Variants in ATP2A2 observed in about 807,000 individuals in gnomAD.
ATP2A2 encodes sarcoplasmic/endoplasmic reticulum calcium ATPase 2.
A neutral mutation model predicts 109.3 loss-of-function variants in ATP2A2; 14 were observed. That is an observed-to-expected ratio of 0.13 (90% CI 0.08 to 0.20). The LOEUF is 0.20. Ranked by LOEUF, ATP2A2 falls within the 10% of genes least tolerant of loss-of-function variation. The pLI is 1.00. For synonymous variants in ATP2A2, 506 were observed against 490.9 expected (o/e 1.03, Z -0.41); for missense variants, 657 against 1,321.6 (o/e 0.50, Z 7.80).
At chr12:110,283,586 AT>A (rs891704484) in intron 3 of ATP2A2, among the ~76,000 whole-genome samples, 7 of 151,876 alleles carry the variant, frequency 4.6e-5, no homozygotes, top group Non-Finnish European at 5.9e-5. Context: ...TTTTTGTTGC[AT>A]TTTTTTTCTT....
intron 5 of ATP2A2, among the ~76,000 whole-genome samples, chr12:110,300,141 CCCCTCCTT>C (rs1874431208): frequency 1.4e-5 from 2 of 142,686 alleles, no homozygotes; most frequent in African/African-American, 5.2e-5. Flanking sequence ...CCCCTCCCCT[CCCCTCCTT>C]CTGTCCTCCC....
chr12:110,334,276 C>T lies in ATP2A2; in HGVS notation c.1419+133C>T. ...CCTCAAACTTACAGTATTTCCTTCC[C>T]CATATTCACTCTCAGGTAAGATGCT... On this transcript the variant is annotated intron_variant, in intron 11 of 19. Transcript: ENST00000539276. The T allele has an allele frequency of 4.5e-6, 5 of 1,111,542 alleles. 1 individual carries two copies. The South Asian group carries it at 6.4e-5, about 14-fold the overall frequency. The allele number at this position is 1,111,542 out of a possible 1,614,324, so 68.9% of individuals were successfully genotyped here.
At chr12:110,289,900 T>C (rs911148543) in intron 3 of ATP2A2, among the ~76,000 whole-genome samples, 2 of 152,210 alleles carry the variant, frequency 1.3e-5, no homozygotes, top group African/African-American at 4.8e-5. Context: ...GTTCTCTCTT[T>C]TTACCACGTT....
In ATP2A2 at chr12:110,342,081, A is replaced by G. The variant is rs1879409763; in HGVS notation, c.2098-147A>G. The G allele has an allele frequency of 2.4e-5, 22 of 910,306 alleles. No homozygotes were observed. Among genetic ancestry groups the G allele is most frequent in the Middle Eastern group, 5.6e-4 (2 of 3,564 alleles). 56.4% of individuals were successfully genotyped at this position (910,306 alleles called of 1,614,324 possible). On this transcript the variant is annotated intron_variant, in intron 14 of 19. Coordinates refer to ENST00000539276, the MANE Select transcript of ATP2A2 (RefSeq NM_170665.4). This position sits in a 1 kb window ranked among gnomAD's most constrained non-coding sequence, Gnocchi z 4.6. Reference sequence around the variant, plus strand: ...AGGTAAAATGTGTTTTGTGACACCAACTTATGAAACAAAAATTCTAAAACT... The same window carrying G: ...AGGTAAAATGTGTTTTGTGACACCAGCTTATGAAACAAAAATTCTAAAACT...
chr12:110,296,452 G>A, intron 4 of ATP2A2, 147 bp from the exon 5 acceptor site: 1 of 1,015,482 alleles, frequency 9.8e-7, no homozygotes, highest in Non-Finnish European at 1.5e-6. Context: ...TGTGTCTGTT[G>A]CCTTAGATGT....
intron 4 of ATP2A2, among the ~76,000 whole-genome samples, chr12:110,292,588 A>G (rs142714145): frequency 2.0e-5 from 3 of 152,238 alleles, no homozygotes; most frequent in Non-Finnish European, 2.9e-5. Context: ...AATTAATTGC[A>G]AATTTTTGAC....
chr12:110,323,666 C>T (rs1877474570), intron 6 of ATP2A2, among the ~76,000 whole-genome samples: 1 of 152,066 alleles, frequency 6.6e-6, no homozygotes, highest in African/African-American at 2.4e-5. Flanking sequence ...AAAAATTAGC[C>T]AGGCCTGTAA....
chr12:110,328,062 C>A (rs754751649), intron 8 of ATP2A2, 45 bp downstream of exon 8: 1 of 1,572,474 alleles, frequency 6.4e-7, no homozygotes, highest in Non-Finnish European at 8.7e-7. Context: ...GTTCTTTGTT[C>A]ATCCTACCAA....
At chr12:110,316,640 T>G (rs1309294900) in intron 5 of ATP2A2, among the ~76,000 whole-genome samples, 1 of 152,210 alleles carries the variant, frequency 6.6e-6, no homozygotes, top group African/African-American at 2.4e-5. Flanking sequence ...ACTCTGCCTT[T>G]ATGGAGCTTT....
Position 110,349,126 on chromosome 12 carries a change from C to T in ATP2A2, c.*2656C>T, listed in dbSNP as rs1185921712. ...CCAGACAGCTGGGAGTGGGTTAGGC[C>T]CACTGCTGTTTTGAGCAGGGCCACT... On this transcript the variant is annotated 3_prime_UTR_variant, in exon 20 of 20. Transcript: ENST00000539276. 7.1e-6 allele frequency: 7 copies of T among 985,324 alleles called. No homozygotes were observed. Among genetic ancestry groups the T allele is most frequent in the Non-Finnish European group, 8.4e-6 (7 of 829,978 alleles). 61.0% of individuals were successfully genotyped at this position (985,324 alleles called of 1,614,324 possible).
chr12:110,309,140 A>ATTTTTTTTTTTTTTTTTTTTTTTTT (rs10665212), intron 5 of ATP2A2, among the ~76,000 whole-genome samples: 10 of 48,898 alleles, frequency 2.0e-4, no homozygotes, highest in Non-Finnish European at 3.2e-4. Flanking sequence ...AAGGAAACTA[A>ATTTTTTTTTTTTTTTTTTTTTTTTT]TTTTTTTTTT....
intron 11 of ATP2A2, among the ~76,000 whole-genome samples, chr12:110,334,894 C>T (rs1878694098): frequency 6.6e-6 from 1 of 152,136 alleles, no homozygotes; most frequent in Non-Finnish European, 1.5e-5. Flanking sequence ...GGGCATCAAA[C>T]ATTTCTTAAC....
At chr12:110,334,188 G>A (rs370170681) in intron 11 of ATP2A2, 45 bp downstream of exon 11, 40 of 1,608,682 alleles carry the variant, frequency 2.5e-5, no homozygotes, top group South Asian at 1.7e-4. Flanking sequence ...CTTATCAGTC[G>A]TACTATATAT....
Position 110,346,007 on chromosome 12 carries a change from C to T in ATP2A2, c.2748C>T (p.Ser916=), listed in dbSNP as rs144955024. 277 of 1,614,150 alleles carry T rather than the reference C, an allele frequency of 1.7e-4. 1 individual carries two copies. The African/African-American group carries it at 2.9e-3, about 17-fold the overall frequency. ...IEMCNALNSL[S]ENQSLLRMPP... is the part of the protein sequence containing the mutation. ...ACCTCTCCTTGCTCTGCAGCTTGTC[C>T]GAAAACCAGTCCTTGCTGAGGATGC... The change falls in exon 19 of 20, where the codon TCC becomes TCT. Residue 916 remains serine, a synonymous_variant. Transcript: ENST00000539276.
chr12:110,323,097 G>C (rs780721561), intron 6 of ATP2A2, 25 bp downstream of exon 6: 26 of 1,559,202 alleles, frequency 1.7e-5, no homozygotes, highest in Non-Finnish European at 2.3e-5. Context: ...TTAAGTCATT[G>C]AATTTCTGAA....
At chr12:110,319,660 C>A (rs897128994) in intron 5 of ATP2A2, among the ~76,000 whole-genome samples, 1 of 148,906 alleles carries the variant, frequency 6.7e-6, no homozygotes, top group African/African-American at 2.4e-5. Context: ...TATAATAAAT[C>A]TATACTACAC....
chr12:110,300,180 CTCTCTT>C (rs1324606135), intron 5 of ATP2A2, among the ~76,000 whole-genome samples: 1 of 98,152 alleles, frequency 1.0e-5, no homozygotes, highest in African/African-American at 4.9e-5. Context: ...CTTTCTCGCT[CTCTCTT>C]TTTTTTTTTT....
chr12:110,313,614 C>T (rs1186884454), intron 5 of ATP2A2, among the ~76,000 whole-genome samples: 1 of 150,576 alleles, frequency 6.6e-6, no homozygotes, highest in East Asian at 2.0e-4. Flanking sequence ...CGCTGCTGGC[C>T]ATGGGAACCA....
At position 110,350,542 on chromosome 12, in the gene ATP2A2, C is replaced by T. The variant is rs1880303665; in HGVS notation, c.*4072C>T. On this transcript the variant is annotated 3_prime_UTR_variant, in exon 20 of 20. Coordinates refer to ENST00000539276, the MANE Select transcript of ATP2A2 (RefSeq NM_170665.4). ...ATTTAGCTTAATCAGAAAGCCTCTC[C>T]AGAGAAGTTTGGTTTCTTTGCTGCA... The T allele has an allele frequency of 3.1e-6, 2 of 655,306 alleles. No homozygotes were observed. The highest frequency in any genetic ancestry group is 5.0e-6 in the Non-Finnish European group (2 of 397,284). 40.6% of individuals were successfully genotyped at this position (655,306 alleles called of 1,614,324 possible). A position where few individuals can be genotyped will look rare whatever the true frequency, so the allele number is the denominator to read the frequency against.
Sources: gnomAD v4.1 joint callset for allele counts (sites outside exome capture counted in the v4.1 genomes callset) on GRCh38, gnomAD v4.1.1 for gene constraint, Gnocchi (gnomAD v3.1) non-coding constraint, MANE v1.5 for transcripts, NCBI Gene and HGNC (gene_info 2026-07-23, HGNC 2026-07-21) for gene names.